Variants in S100A8 observed in about 807,000 individuals in gnomAD.
S100A8 encodes S100 calcium binding protein A8.
A neutral mutation model predicts 4.2 loss-of-function variants in S100A8; 1 was observed. That is an observed-to-expected ratio of 0.24 (90% CI 0.08 to 1.12). S100A8 has a LOEUF of 1.12. Ranked by LOEUF, S100A8 falls within the 50% of genes most tolerant of loss-of-function variation. The pLI is 0.53. For synonymous variants in S100A8, 41 were observed against 44.7 expected, an observed-to-expected ratio of 0.92 and a Z score of 0.33; for missense variants, 96 against 111.8, an observed-to-expected ratio of 0.86 and a Z score of 0.64.
the S100A8 span, chr1:153,422,579 A>G: frequency 1.0e-6 from 1 of 977,666 alleles, no homozygotes; most frequent in Non-Finnish European, 1.2e-6. Flanking sequence ...TCTGATATCA[A>G]AACATTCCAA....
At chr1:153,413,899 CT>C in the S100A8 span, among the ~76,000 whole-genome samples, 1 of 151,882 alleles carries the variant, frequency 6.6e-6, no homozygotes, top group Non-Finnish European at 1.5e-5. Context: ...AAAAGTGTGT[CT>C]CATAAAAAAG....
upstream of S100A8, among the ~76,000 whole-genome samples, chr1:153,395,981 C>T (rs1662204300): frequency 6.6e-6 from 1 of 152,218 alleles, no homozygotes; most frequent in African/African-American, 2.4e-5. Context: ...TCACCCCTAC[C>T]CTCACCCCTG....
chr1:153,394,320 T>C (rs1662168911), upstream of S100A8, among the ~76,000 whole-genome samples: 1 of 152,150 alleles, frequency 6.6e-6, no homozygotes, highest in Non-Finnish European at 1.5e-5. Context: ...TCAATGCCTG[T>C]GGAGCCCAGC....
At chr1:153,405,002 G>C in the S100A8 span, among the ~76,000 whole-genome samples, 3 of 151,932 alleles carry the variant, frequency 2.0e-5, no homozygotes, top group Non-Finnish European at 2.9e-5. Flanking sequence ...GCCTCTGACT[G>C]GGGCCAACTG....
At chr1:153,402,140 G>C in the S100A8 span, among the ~76,000 whole-genome samples, 1 of 152,190 alleles carries the variant, frequency 6.6e-6, no homozygotes. Context: ...GCTTCTGTAG[G>C]ACCAGGAGGC....
chr1:153,403,794 A>T, the S100A8 span, among the ~76,000 whole-genome samples: 1 of 152,144 alleles, frequency 6.6e-6, no homozygotes, highest in Admixed American at 6.5e-5. Context: ...TCCTTTTTTT[A>T]AAATCCCCAC....
At chr1:153,409,605 C>T in the S100A8 span, among the ~76,000 whole-genome samples, 2 of 152,038 alleles carry the variant, frequency 1.3e-5, no homozygotes, top group African/African-American at 2.4e-5. Context: ...CAGCTCTGCA[C>T]CAAGCAGACC....
chr1:153,395,031 T>A (rs150199004), upstream of S100A8, among the ~76,000 whole-genome samples: 16 of 151,976 alleles, frequency 1.1e-4, no homozygotes, highest in African/African-American at 3.6e-4. Context: ...CTGCATTAGA[T>A]CCCTAGAGTC....
the S100A8 span, among the ~76,000 whole-genome samples, chr1:153,396,171 A>T: frequency 6.6e-6 from 1 of 152,238 alleles, no homozygotes; most frequent in Admixed American, 6.5e-5. Context: ...TCCCTAGAGG[A>T]ATAAGCTGTG....
chr1:153,416,604 A>C, the S100A8 span: 2 of 452,256 alleles, frequency 4.4e-6, no homozygotes, highest in African/African-American at 2.0e-5. Context: ...AGAAGTGCCC[A>C]GTGCCCAGCC....
the S100A8 span, chr1:153,422,408 T>C: frequency 1.5e-6 from 1 of 647,650 alleles, no homozygotes; most frequent in African/African-American, 2.0e-5. Context: ...ACCTTTGTTC[T>C]AACACATACT....
At position 153,390,571 on chromosome 1, in the gene S100A8, C is replaced by A. The variant is rs74115415; in HGVS notation, c.-22-14G>T. ...GACTTGCCCCACCTGAAAAACAGAA[C>A]CTTCTGGGGAATCCCATGGCAGGGA... On this transcript the variant is annotated splice_polypyrimidine_tract_variant and intron_variant, in intron 1 of 2. Coordinates refer to ENST00000368733, the MANE Select transcript of S100A8 (RefSeq NM_002964.5). 1 of 1,612,862 alleles carries A rather than the reference C, an allele frequency of 6.2e-7. No homozygotes were observed. Among genetic ancestry groups the A allele is most frequent in the South Asian group, 1.1e-5 (1 of 90,980 alleles).
the S100A8 span, among the ~76,000 whole-genome samples, chr1:153,418,718 G>A: frequency 1.3e-5 from 2 of 152,212 alleles, no homozygotes; most frequent in African/African-American, 4.8e-5. Flanking sequence ...AGGGAACCCA[G>A]AAGATGAGTT....
the S100A8 span, among the ~76,000 whole-genome samples, chr1:153,400,117 A>G: frequency 1.3e-5 from 2 of 152,170 alleles, no homozygotes; most frequent in South Asian, 4.1e-4. Context: ...CGCATCTCCC[A>G]CCTCACAACC....
At position 153,390,086 on chromosome 1, in the gene S100A8, T is replaced by C. The variant is rs1393224032; in HGVS notation, c.*17A>G. 6.2e-7 allele frequency: 1 copy of C among 1,606,698 alleles called. No homozygotes were observed. The highest frequency in any genetic ancestry group is 1.3e-5 in the African/African-American group (1 of 74,418). On this transcript the variant is annotated 3_prime_UTR_variant, in exon 3 of 3. Coordinates refer to ENST00000368733, the MANE Select transcript of S100A8 (RefSeq NM_002964.5). ...GGTACATGTCCAGGGGCCCAGCCTCTGGGCCCAGTAACTCAGCTACTCTTT... is the reference window on the plus strand; with the variant it reads ...GGTACATGTCCAGGGGCCCAGCCTCCGGGCCCAGTAACTCAGCTACTCTTT...
At chr1:153,391,768 C>T (rs932555131), upstream of S100A8, among the ~76,000 whole-genome samples, 1 of 152,214 alleles carries the variant, frequency 6.6e-6, no homozygotes, top group East Asian at 1.9e-4. Context: ...TGGGGTCCCT[C>T]GGCACTTCAC....
At chr1:153,400,969 T>G in the S100A8 span, among the ~76,000 whole-genome samples, 3 of 152,242 alleles carry the variant, frequency 2.0e-5, no homozygotes, top group Non-Finnish European at 4.4e-5. Context: ...AAACTTCATT[T>G]CTGACCTATG....
At chr1:153,402,663 C>T in the S100A8 span, among the ~76,000 whole-genome samples, 1 of 152,154 alleles carries the variant, frequency 6.6e-6, no homozygotes, top group African/African-American at 2.4e-5. Flanking sequence ...TTCATAGCAG[C>T]TTTACATGCT....
the S100A8 span, among the ~76,000 whole-genome samples, chr1:153,400,309 C>T: frequency 6.6e-6 from 1 of 152,168 alleles, no homozygotes; most frequent in Non-Finnish European, 1.5e-5. Context: ...GGGGCCAGAC[C>T]TTCAGGCTCG....
Sources: gnomAD v4.1 joint callset for allele counts (sites outside exome capture counted in the v4.1 genomes callset) on GRCh38, gnomAD v4.1.1 for gene constraint, MANE v1.5 for transcripts, NCBI Gene and HGNC (gene_info 2026-07-23, HGNC 2026-07-21) for gene names.